Variants in LAMA1 observed in about 807,000 individuals in gnomAD.
LAMA1 encodes the protein laminin subunit alpha 1.
A neutral mutation model predicts 348.7 loss-of-function variants in LAMA1; 219 were observed. That is an observed-to-expected ratio of 0.63 (90% CI 0.56 to 0.70). The LOEUF (loss-of-function observed/expected upper bound fraction) is 0.70, where lower values mean the gene tolerates loss of function less well. LAMA1 is among the 30% of genes least tolerant of loss of function. The pLI is 0.00. For missense variants in LAMA1, 3,744 were observed against 3,888.0 expected (o/e 0.96, Z 0.99); for synonymous variants, 1,487 against 1,491.0 (o/e 1.00, Z 0.06).
At chr18:7,103,880 C>T (rs1457094857) in intron 1 of LAMA1, among the ~76,000 whole-genome samples, 1 of 152,066 alleles carries the variant, frequency 6.6e-6, no homozygotes, top group African/African-American at 2.4e-5. Context: ...GGAGCCAGCC[C>T]CTGCCCCTCC....
Position 6,985,351 on chromosome 18 carries a change from C to T in LAMA1, c.5546G>A (p.Arg1849Lys). 2 of 1,614,168 alleles carry T rather than the reference C, an allele frequency of 1.2e-6. No individual in the cohort carries two copies. Among genetic ancestry groups the T allele is most frequent in the Non-Finnish European group, 1.7e-6 (2 of 1,180,048 alleles). ...CATGACCAGGTCATCTATGTGGTGC[C>T]TGATTTTGGCAGACCATAAAAGTAG... Reference protein sequence around the residue: ...DKLLLWSAKIRHHIDDLVMHM... With the variant: ...DKLLLWSAKIKHHIDDLVMHM... Residue 1849 changes from arginine to lysine, a missense_variant, in exon 39 of 63, where the codon AGG becomes AAG. Physicochemically the swap from Arg to Lys is conservative, Grantham distance 26. Around this residue, in one of 3 missense-constraint regions of LAMA1, gnomAD observed 1,983 missense variants for 1,934.3 expected, o/e 1.03. Transcript: ENST00000389658.
At chr18:7,088,226 C>T (rs2058225443) in intron 1 of LAMA1, among the ~76,000 whole-genome samples, 1 of 152,212 alleles carries the variant, frequency 6.6e-6, no homozygotes, top group Non-Finnish European at 1.5e-5. Flanking sequence ...CCCTTCCCTT[C>T]CTCCCTTCGT....
At chr18:7,112,641 A>ATT (rs34638671) in intron 1 of LAMA1, among the ~76,000 whole-genome samples, 152 of 145,016 alleles carry the variant, frequency 1.0e-3, no homozygotes, top group East Asian at 2.2e-3. Flanking sequence ...ATATATATAC[A>ATT]TTTTTTTTTT....
At chr18:7,007,912 CTTTTATTTA>C (rs1419818234) in intron 28 of LAMA1, among the ~76,000 whole-genome samples, 1 of 107,104 alleles carries the variant, frequency 9.3e-6, no homozygotes, top group African/African-American at 4.7e-5. Context: ...TATTACTCCA[CTTTTATTTA>C]TTTATTTATT....
intron 55 of LAMA1, among the ~76,000 whole-genome samples, chr18:6,958,063 A>G (rs1286997060): frequency 6.6e-6 from 1 of 152,114 alleles, no homozygotes; most frequent in Non-Finnish European, 1.5e-5. Context: ...TCTTAATTAT[A>G]CAGTAATTGT....
At chr18:6,975,121 C>G in intron 45 of LAMA1, 85 bp from the exon 46 acceptor site, 2 of 1,453,820 alleles carry the variant, frequency 1.4e-6, no homozygotes, top group Non-Finnish European at 1.9e-6. Flanking sequence ...TCAATTCTTA[C>G]GGGGTTTTCT....
intron 9 of LAMA1, among the ~76,000 whole-genome samples, chr18:7,040,522 A>C (rs1166145163): frequency 6.6e-6 from 1 of 152,248 alleles, no homozygotes; most frequent in Admixed American, 6.5e-5. Flanking sequence ...TGTTTAAAGA[A>C]AGAAAACAGA....
At chr18:6,989,774 A>T (rs1568020705) in intron 36 of LAMA1, among the ~76,000 whole-genome samples, 1 of 152,148 alleles carries the variant, frequency 6.6e-6, no homozygotes, top group African/African-American at 2.4e-5. Flanking sequence ...CCCAGGAACC[A>T]CGCACTCTGG....
At chr18:6,968,054 T>C (rs2057641606) in intron 48 of LAMA1, among the ~76,000 whole-genome samples, 1 of 152,182 alleles carries the variant, frequency 6.6e-6, no homozygotes, top group Admixed American at 6.5e-5. Context: ...CAGAGGCACA[T>C]GTGCCTCAAC....
intron 1 of LAMA1, among the ~76,000 whole-genome samples, chr18:7,109,982 G>A (rs1405505984): frequency 1.3e-5 from 2 of 152,152 alleles, no homozygotes; most frequent in African/African-American, 2.4e-5. Context: ...AGGAGATCGA[G>A]ACCATCCTGG....
At chr18:7,026,174 A>G in intron 16 of LAMA1, 68 bp from the exon 17 acceptor site, 2 of 1,569,254 alleles carry the variant, frequency 1.3e-6, no homozygotes, top group South Asian at 2.3e-5. Context: ...TCTATAAGCA[A>G]CTTGAAGTCC....
chr18:7,025,752 G>A (rs912507538), intron 17 of LAMA1, among the ~76,000 whole-genome samples: 3 of 152,188 alleles, frequency 2.0e-5, no homozygotes, highest in Admixed American at 6.5e-5. Context: ...GGAAAACGGC[G>A]TGTATAGGTC....
chr18:7,094,904 T>C (rs751179059), intron 1 of LAMA1, among the ~76,000 whole-genome samples: 15 of 152,150 alleles, frequency 9.9e-5, no homozygotes, highest in Non-Finnish European at 1.9e-4. Context: ...TCAAGACCAA[T>C]ACACTGAAAA....
chr18:7,031,987 T>C (rs80089354), intron 16 of LAMA1, 79 bp downstream of exon 16: 14 of 1,099,210 alleles, frequency 1.3e-5, no homozygotes, highest in Non-Finnish European at 1.9e-5. Flanking sequence ...AGGAAGCACT[T>C]AAAAAAAAAT....
At chr18:7,011,788 T>C (rs117761481) in intron 24 of LAMA1, among the ~76,000 whole-genome samples, 4,076 of 152,318 alleles carry the variant, frequency 0.027, 106 homozygotes, top group Non-Finnish European at 0.038. Context: ...AGGAACAACA[T>C]GGACAGCCTT....
intron 3 of LAMA1, among the ~76,000 whole-genome samples, chr18:7,055,034 G>GAAGTCAAATGT (rs2058075940): frequency 6.6e-6 from 1 of 152,014 alleles, no homozygotes; most frequent in Non-Finnish European, 1.5e-5. Flanking sequence ...GTCTTTTACG[G>GAAGTCAAATGT]AAGTCAAATG....
chr18:7,008,540 G>A lies in LAMA1; in HGVS notation c.4070C>T (p.Ser1357Phe). 1 of 1,614,064 alleles carries A rather than the reference G, an allele frequency of 6.2e-7. No homozygotes were observed. The highest frequency in any genetic ancestry group is 8.5e-7 in the Non-Finnish European group (1 of 1,179,980). The change falls in exon 28 of 63, where the codon TCT becomes TTT. Residue 1357 changes from serine to phenylalanine, a missense_variant. Ser to Phe is a radical substitution (Grantham distance 155). This residue lies in a region of LAMA1 where 1,983 missense variants were observed against 1,934.3 expected (regional missense o/e 1.03). Transcript: ENST00000389658. ...EKLHPEEEVASLLENCVCPPG... is the reference protein window; with the variant it reads ...EKLHPEEEVAFLLENCVCPPG... Reference sequence around the variant, plus strand: ...AGGACAGACACAATTCTCTAAAAGAGATGCAACCTCTTCTTCTGGGTGCAG... The same window carrying A: ...AGGACAGACACAATTCTCTAAAAGAAATGCAACCTCTTCTTCTGGGTGCAG...
chr18:7,016,008 T>A, intron 21 of LAMA1, 150 bp from the exon 22 acceptor site: 14 of 891,116 alleles, frequency 1.6e-5, no homozygotes, highest in Non-Finnish European at 2.1e-5. Flanking sequence ...CCTCCATGTC[T>A]CATGGAGGTA....
intron 42 of LAMA1, among the ~76,000 whole-genome samples, chr18:6,979,839 C>T (rs534140218): frequency 5.1e-4 from 77 of 152,276 alleles, no homozygotes; most frequent in African/African-American, 1.7e-3. Context: ...GCGGAGCTTG[C>T]AGTGAGCCAA....
Sources: allele counts gnomAD v4.1 joint callset (sites outside exome capture counted in the v4.1 genomes callset), GRCh38; gene constraint gnomAD v4.1.1; regional missense constraint gnomAD v4.1.1; transcripts MANE v1.5; gene names NCBI Gene and HGNC (gene_info 2026-07-23, HGNC 2026-07-21).